KCNK10: variants seen among roughly 807,000 people sequenced by gnomAD.
The protein encoded by KCNK10 is potassium two pore domain channel subfamily K member 10.
In KCNK10, 25 loss-of-function variants were observed where a neutral mutation model predicts 47.7. The ratio of observed to expected loss-of-function variants is 0.52; its 90% CI spans 0.38 to 0.73. The LOEUF (loss-of-function observed/expected upper bound fraction) is 0.73. Among genes scored for constraint, KCNK10 ranks in the 30% least tolerant of loss-of-function variants. The pLI, the probability that KCNK10 is intolerant of heterozygous loss-of-function variation, is 0.00. For missense variants in KCNK10, 563 were observed against 714.5 expected (o/e 0.79, Z 2.42); for synonymous variants, 303 against 285.6 (o/e 1.06, Z -0.61).
intron 4 of KCNK10, among the ~76,000 whole-genome samples, chr14:88,197,862 GAGAGAGA>G (rs1566681545): frequency 2.1e-5 from 1 of 48,258 alleles, no homozygotes; most frequent in Non-Finnish European, 4.6e-5. Flanking sequence ...AGGGAAGGGA[GAGAGAGA>G]GAGAGAGAGA....
intron 6 of KCNK10, 93 bp downstream of exon 6, chr14:88,187,874 G>T (rs1595069517): frequency 7.2e-7 from 1 of 1,392,852 alleles, no homozygotes; most frequent in Non-Finnish European, 1.0e-6. Context: ...AACCGAGCCA[G>T]AAACACTCCA....
chr14:88,269,375 T>C (rs1483677230), intron 1 of KCNK10, among the ~76,000 whole-genome samples: 1 of 152,180 alleles, frequency 6.6e-6, no homozygotes, highest in Non-Finnish European at 1.5e-5. Flanking sequence ...ATAAGACGCA[T>C]CCCGCCTTCA....
At chr14:88,201,330 G>A (rs1885094772) in intron 4 of KCNK10, among the ~76,000 whole-genome samples, 1 of 152,142 alleles carries the variant, frequency 6.6e-6, no homozygotes, top group African/African-American at 2.4e-5. Flanking sequence ...GAGGAGCACT[G>A]TTCCTTCATT....
chr14:88,243,648 C>A (rs1250286095), intron 2 of KCNK10, among the ~76,000 whole-genome samples: 1 of 151,880 alleles, frequency 6.6e-6, no homozygotes, highest in East Asian at 1.9e-4. Context: ...AGAGATGAGT[C>A]GCTCTGTGTT....
chr14:88,277,143 G>A (rs2139768430), intron 1 of KCNK10, among the ~76,000 whole-genome samples: 1 of 151,876 alleles, frequency 6.6e-6, no homozygotes, highest in Non-Finnish European at 1.5e-5. Flanking sequence ...ATCTCCATTT[G>A]TCAGTGTAGC....
chr14:88,309,096 C>A (rs1595132476), intron 1 of KCNK10, among the ~76,000 whole-genome samples: 1 of 152,176 alleles, frequency 6.6e-6, no homozygotes. Context: ...CCAGGGCCTA[C>A]AACAGTGCCT....
At chr14:88,263,943 A>G (rs554791501) in intron 1 of KCNK10, among the ~76,000 whole-genome samples, 31 of 152,314 alleles carry the variant, frequency 2.0e-4, no homozygotes, top group East Asian at 3.9e-4. Context: ...GAACTTGGAG[A>G]GGAAGTAAAT....
At position 88,322,163 on chromosome 14, in the gene KCNK10, G is replaced by GCTTCTACTCT. The variant is rs1888559770; in HGVS notation, c.52+583_52+584insAGAGTAGAAG. On this transcript the variant is annotated intron_variant, in intron 1 of 6. Transcript: ENST00000319231. This position sits in a 1 kb window ranked among gnomAD's most constrained non-coding sequence, Gnocchi z 4.8. ...CCTCCTCCTGCTTCTACTCTGACCT[G>GCTTCTACTCT]AGCCTAACTAGCTGCTAGGTTTGGT... 6.6e-6 allele frequency among the ~76,000 whole-genome samples: 1 copy of GCTTCTACTCT among 151,712 alleles called. No homozygotes were observed. The highest frequency in any genetic ancestry group is 1.5e-5 in the Non-Finnish European group (1 of 67,940).
intron 2 of KCNK10, among the ~76,000 whole-genome samples, chr14:88,250,313 C>A (rs553588086): frequency 6.6e-6 from 1 of 152,150 alleles, no homozygotes; most frequent in African/African-American, 2.4e-5. Context: ...GGGCTGCAGG[C>A]CTGATCTTGC....
At chr14:88,192,958 T>C (rs1884797691) in intron 4 of KCNK10, among the ~76,000 whole-genome samples, 1 of 152,218 alleles carries the variant, frequency 6.6e-6, no homozygotes, top group African/African-American at 2.4e-5. Context: ...TCTTCACCTG[T>C]GACCGACTCT....
At chr14:88,203,942 G>A (rs1885182071) in intron 4 of KCNK10, among the ~76,000 whole-genome samples, 1 of 151,578 alleles carries the variant, frequency 6.6e-6, no homozygotes, top group Non-Finnish European at 1.5e-5. Context: ...TGTGGGGCCA[G>A]TGGAGCACCA....
rs959888498 is a variant in KCNK10 at position 88,255,887 on chromosome 14, A to G, written c.402+7315T>C. 2.0e-5 allele frequency among the ~76,000 whole-genome samples: 3 copies of G among 152,160 alleles called. No individual in the cohort carries two copies. The South Asian group carries it at 6.2e-4, about 32-fold the overall frequency. On this transcript the variant is annotated intron_variant, in intron 2 of 6. Transcript: ENST00000319231. ...AAAAAAGGAATAAAAAAAAGTACCT[A>G]CTTTGTAGGCTTCTTGCAAGAGTTA...
At chr14:88,197,942 C>T (rs181330773) in intron 4 of KCNK10, among the ~76,000 whole-genome samples, 2 of 151,870 alleles carry the variant, frequency 1.3e-5, no homozygotes, top group Admixed American at 6.6e-5. Flanking sequence ...CACACAAAGT[C>T]CAGCAGGAAG....
intron 2 of KCNK10, among the ~76,000 whole-genome samples, chr14:88,244,868 A>G (rs1886585199): frequency 6.6e-6 from 1 of 152,208 alleles, no homozygotes; most frequent in Non-Finnish European, 1.5e-5. Flanking sequence ...TTCACTTACA[A>G]GTTCAACCAT....
intron 2 of KCNK10, among the ~76,000 whole-genome samples, chr14:88,242,397 A>G (rs1435417349): frequency 6.6e-6 from 1 of 152,174 alleles, no homozygotes; most frequent in East Asian, 1.9e-4. Flanking sequence ...TTAAATATGC[A>G]AAAACCATTT....
At chr14:88,321,732 T>A (rs2139809212) in intron 1 of KCNK10, among the ~76,000 whole-genome samples, 1 of 152,282 alleles carries the variant, frequency 6.6e-6, no homozygotes, top group African/African-American at 2.4e-5. Flanking sequence ...TTCTTTCCAG[T>A]CTGGAGAAAA....
chr14:88,185,488 C>CAA lies in KCNK10; in HGVS notation c.*46_*47insTT. The CAA allele has an allele frequency of 6.4e-7, 1 of 1,566,580 alleles. No individual in the cohort carries two copies. ...TCTCAGTGTGAATATTAAAAACACA[C>CAA]ACACACACACACACAACGCTCAGTC... On this transcript the variant is annotated 3_prime_UTR_variant, in exon 7 of 7. Coordinates refer to ENST00000319231, the MANE Select transcript of KCNK10 (RefSeq NM_138317.3). The surrounding 1 kb of genome is among the most constrained non-coding windows in gnomAD (Gnocchi z 4.3).
Position 88,217,848 on chromosome 14 carries a change from G to A in KCNK10, c.681+9527C>T, listed in dbSNP as rs371948311. On this transcript the variant is annotated intron_variant, in intron 4 of 6. Transcript: ENST00000319231. ...AGTGATTCTCCTGCCTCAGCCTCCC[G>A]AGTAGCTAGAACTATAAGCACACAC... Among the ~76,000 whole-genome samples, 15 of 151,914 alleles carry A rather than the reference G, an allele frequency of 9.9e-5. No individual in the cohort carries two copies. In the South Asian group the frequency reaches 2.5e-3, roughly 25 times the overall value.
chr14:88,263,729 G>A (rs1049594202), intron 1 of KCNK10, among the ~76,000 whole-genome samples, 178 bp from the exon 2 acceptor site: 1 of 151,504 alleles, frequency 6.6e-6, no homozygotes, highest in African/African-American at 2.4e-5. Context: ...ACCCATTTGA[G>A]TTCTAAAAAA....
Sources: allele counts gnomAD v4.1 joint callset (sites outside exome capture counted in the v4.1 genomes callset), GRCh38; gene constraint gnomAD v4.1.1; non-coding constraint Gnocchi (gnomAD v3.1); transcripts MANE v1.5; gene names NCBI Gene and HGNC (gene_info 2026-07-23, HGNC 2026-07-21).